Variants in VWA8 observed in about 807,000 individuals in gnomAD.
VWA8 encodes the protein von Willebrand factor A domain containing 8.
Under a neutral mutation model 241.5 loss-of-function variants are expected in VWA8, and 221 were observed. The ratio of observed to expected loss-of-function variants is 0.91; its 90% CI spans 0.82 to 1.02. VWA8 has a LOEUF of 1.02. VWA8 is among the 50% of genes least tolerant of loss of function. VWA8 has a pLI of 0.00. For synonymous variants in VWA8, 852 were observed against 827.1 expected (o/e 1.03, Z -0.52); for missense variants, 2,322 against 2,328.7 (o/e 1.00, Z 0.06).
At chr13:41,733,441 C>A (rs1379830930) in intron 21 of VWA8, among the ~76,000 whole-genome samples, 1 of 152,074 alleles carries the variant, frequency 6.6e-6, no homozygotes, top group African/African-American at 2.4e-5. Context: ...AAAACCCACC[C>A]AAAAGGATTG....
At chr13:41,674,236 G>A (rs945549429) in intron 36 of VWA8, among the ~76,000 whole-genome samples, 11 of 152,022 alleles carry the variant, frequency 7.2e-5, no homozygotes, top group Admixed American at 5.9e-4. Context: ...CTATCATGCC[G>A]AGCTATCTTC....
chr13:41,908,981 G>A (rs1875861047), intron 3 of VWA8, among the ~76,000 whole-genome samples: 2 of 151,606 alleles, frequency 1.3e-5, no homozygotes, highest in South Asian at 4.2e-4. Flanking sequence ...ACATATTATT[G>A]TTGTAATTTA....
At chr13:41,709,052 AT>A (rs1242961134) in intron 26 of VWA8, among the ~76,000 whole-genome samples, 1 of 152,226 alleles carries the variant, frequency 6.6e-6, no homozygotes, top group East Asian at 1.9e-4. Flanking sequence ...CACGACAAGA[AT>A]AACTGGGACT....
At chr13:41,772,789 C>T (rs906997782) in intron 20 of VWA8, among the ~76,000 whole-genome samples, 3 of 152,050 alleles carry the variant, frequency 2.0e-5, no homozygotes, top group African/African-American at 7.2e-5. Context: ...ATTTAGCTTC[C>T]CAACAGATGT....
In VWA8 at chr13:41,671,127, T is replaced by A; in HGVS notation, c.4430A>T (p.Tyr1477Phe). The A allele has an allele frequency of 1.2e-6, 2 of 1,613,834 alleles. No individual in the cohort carries two copies. The highest frequency in any genetic ancestry group is 1.7e-6 in the Non-Finnish European group (2 of 1,179,778). ...TGAAATGGTCGACAGCCATGTGGTATACGGCGAGAGAGATTCTGATCTGGA... is the reference window on the plus strand; with the variant it reads ...TGAAATGGTCGACAGCCATGTGGTAAACGGCGAGAGAGATTCTGATCTGGA... ...PIPRSESLSP[Y>F]TTWLSTISDT... The change falls in exon 37 of 45, where the codon TAT becomes TTT. Residue 1477 changes from tyrosine to phenylalanine, a missense_variant. By Grantham distance (22) the Tyr-to-Phe change is conservative (BLOSUM62 3). Coordinates refer to ENST00000379310, the MANE Select transcript of VWA8 (RefSeq NM_015058.2).
At chr13:41,761,647 T>C (rs2045740875) in intron 20 of VWA8, among the ~76,000 whole-genome samples, 1 of 152,076 alleles carries the variant, frequency 6.6e-6, no homozygotes, top group Non-Finnish European at 1.5e-5. Context: ...AATACTGTAT[T>C]TTTTCTATTT....
chr13:41,701,186 C>G (rs2045246907), intron 28 of VWA8, among the ~76,000 whole-genome samples: 2 of 152,126 alleles, frequency 1.3e-5, no homozygotes, highest in African/African-American at 4.8e-5. Flanking sequence ...TGCATACAAA[C>G]TCAGGAGTGC....
intron 21 of VWA8, among the ~76,000 whole-genome samples, chr13:41,746,816 G>A (rs1157264991): frequency 3.3e-5 from 5 of 152,172 alleles, no homozygotes; most frequent in Non-Finnish European, 7.3e-5. Context: ...GGAATATGAT[G>A]CTAGAATTTT....
At chr13:41,800,249 T>C (rs936013069) in intron 17 of VWA8, among the ~76,000 whole-genome samples, 1 of 152,338 alleles carries the variant, frequency 6.6e-6, no homozygotes, top group Middle Eastern at 3.4e-3. Flanking sequence ...GTAGAAGTTT[T>C]TGTGTGGACC....
At chr13:41,685,722 T>C (rs753210349) in intron 34 of VWA8, among the ~76,000 whole-genome samples, 1 of 152,120 alleles carries the variant, frequency 6.6e-6, no homozygotes, top group Non-Finnish European at 1.5e-5. Context: ...AGGAATTAGT[T>C]AAAAAATAAA....
chr13:41,599,362 T>A (rs2044507761), intron 40 of VWA8, among the ~76,000 whole-genome samples: 3 of 152,136 alleles, frequency 2.0e-5, no homozygotes, highest in Non-Finnish European at 2.9e-5. Context: ...TCAATTTATG[T>A]CTTATTTCAC....
intron 3 of VWA8, among the ~76,000 whole-genome samples, chr13:41,909,106 A>G (rs965149382): frequency 2.0e-4 from 29 of 147,294 alleles, no homozygotes; most frequent in African/African-American, 7.0e-4. Context: ...AGGCTGTTGT[A>G]CAGTGGTGCG....
intron 18 of VWA8, among the ~76,000 whole-genome samples, chr13:41,784,680 T>TTATACATACACATATACATATACA (rs1869059668): frequency 1.7e-5 from 1 of 57,616 alleles, no homozygotes; most frequent in African/African-American, 5.8e-5. Flanking sequence ...CTCTCTCTCT[T>TTATACATACACATATACATATACA]TATACATATA....
At chr13:41,819,115 AG>A in intron 15 of VWA8, 102 bp downstream of exon 15, 1 of 1,248,214 alleles carries the variant, frequency 8.0e-7, no homozygotes, top group South Asian at 1.6e-5. Flanking sequence ...GTAAATGGGA[AG>A]AAAAAACTAA....
intron 36 of VWA8, among the ~76,000 whole-genome samples, chr13:41,674,650 T>C (rs940754360): frequency 6.6e-6 from 1 of 152,138 alleles, no homozygotes; most frequent in Non-Finnish European, 1.5e-5. Context: ...TCAAGCTTTA[T>C]TGTTTCTGTT....
chr13:41,791,317 G>C (rs2137948304), intron 17 of VWA8, among the ~76,000 whole-genome samples: 1 of 151,848 alleles, frequency 6.6e-6, no homozygotes, highest in South Asian at 2.1e-4. Flanking sequence ...TACAAAATAA[G>C]AATTTTTTGT....
At chr13:41,575,862 T>C in intron 42 of VWA8, 24 bp from the exon 43 acceptor site, 1 of 1,550,528 alleles carries the variant, frequency 6.4e-7, no homozygotes. Flanking sequence ...AACCAGAAAG[T>C]TATAAACTTT....
intron 37 of VWA8, among the ~76,000 whole-genome samples, chr13:41,645,125 C>G (rs1043194293): frequency 5.9e-5 from 9 of 152,182 alleles, no homozygotes; most frequent in South Asian, 4.1e-4. Context: ...AGTAATGGCA[C>G]CTACCTCATA....
Position 41,573,610 on chromosome 13 carries a change from C to CACATATATATATATATATAT in VWA8, c.5370+2129_5370+2130insATATATATATATATATATGT, listed in dbSNP as rs1555303639. On this transcript the variant is annotated intron_variant, in intron 43 of 44. Coordinates refer to ENST00000379310, the MANE Select transcript of VWA8 (RefSeq NM_015058.2). ...ATATATATACACCTCTATATATACG[C>CACATATATATATATATATAT]ATATATATGGTGTGTGTGTGTGTGA... Among the ~76,000 whole-genome samples the CACATATATATATATATATAT allele has an allele frequency of 3.3e-3, 464 of 140,174 alleles. 16 individuals carry two copies. Among genetic ancestry groups the CACATATATATATATATATAT allele is most frequent in the African/African-American group, 0.012 (433 of 35,688 alleles). The allele number at this position is 140,174 out of a possible 152,430, so 92.0% of individuals were successfully genotyped here. A position where few individuals can be genotyped will look rare whatever the true frequency, so the allele number is the denominator to read the frequency against.
Sources: allele counts gnomAD v4.1 joint callset (sites outside exome capture counted in the v4.1 genomes callset), GRCh38; gene constraint gnomAD v4.1.1; transcripts MANE v1.5; gene names NCBI Gene and HGNC (gene_info 2026-07-23, HGNC 2026-07-21).